NHSL2: variants seen among roughly 807,000 people sequenced by gnomAD.
NHSL2 encodes the protein NHS-like protein 2.
A neutral mutation model predicts 53.4 loss-of-function variants in NHSL2; 27 were observed. The ratio of observed to expected loss-of-function variants is 0.51; its 90% CI spans 0.37 to 0.70. The LOEUF (loss-of-function observed/expected upper bound fraction) is 0.70. Ranked by LOEUF, NHSL2 falls within the 30% of genes least tolerant of loss-of-function variation. The pLI, the probability that NHSL2 is intolerant of heterozygous loss-of-function variation, is 0.00. For missense variants in NHSL2, 892 were observed against 980.1 expected, an observed-to-expected ratio of 0.91 and a Z score of 1.20; for synonymous variants, 408 against 404.1, an observed-to-expected ratio of 1.01 and a Z score of -0.12.
chrX:72,031,029 G>A (rs1228267278), intron 1 of NHSL2, among the ~76,000 whole-genome samples: 2 of 111,767 alleles, frequency 1.8e-5, no homozygotes, highest in Admixed American at 9.5e-5. Flanking sequence ...CTTGTGGCAA[G>A]CTCTAAGGTC....
Position 71,912,428 on chromosome X carries a change from G to A in NHSL2, c.280+1061G>A, listed in dbSNP as rs5991856. On this transcript the variant is annotated intron_variant, in intron 1 of 7. Transcript: ENST00000633930. Reference sequence around the variant, plus strand: ...AGTGTGGCCAGAAAGTTTCCAATGGGGGCAGAAGATGACTGCTGGCTGATT... The same window carrying A: ...AGTGTGGCCAGAAAGTTTCCAATGGAGGCAGAAGATGACTGCTGGCTGATT... Among the ~76,000 whole-genome samples the A allele has an allele frequency of 2.8e-3, 312 of 112,429 alleles. 2 individuals carry two copies. Among genetic ancestry groups the A allele is most frequent in the African/African-American group, 9.2e-3 (284 of 30,960 alleles).
At chrX:71,918,569 C>T (rs2041640801) in intron 1 of NHSL2, among the ~76,000 whole-genome samples, 1 of 111,531 alleles carries the variant, frequency 9.0e-6, no homozygotes, top group Non-Finnish European at 1.9e-5. Context: ...TTGAGGTCTC[C>T]TTACGTTAAC....
At chrX:72,105,161 G>A (rs766670046) in intron 1 of NHSL2, among the ~76,000 whole-genome samples, 2 of 103,879 alleles carry the variant, frequency 1.9e-5, no homozygotes, top group African/African-American at 7.1e-5. Flanking sequence ...ATCTATTAAC[G>A]AGATCTTGGA....
At chrX:72,079,339 C>T (rs919958167) in intron 1 of NHSL2, among the ~76,000 whole-genome samples, 2 of 112,235 alleles carry the variant, frequency 1.8e-5, no homozygotes, top group African/African-American at 6.5e-5. Flanking sequence ...AGTCTATTGG[C>T]GGAAGTGTAG....
intron 1 of NHSL2, among the ~76,000 whole-genome samples, chrX:72,000,982 C>T (rs1182209759): frequency 8.9e-6 from 1 of 111,895 alleles, no homozygotes; most frequent in Non-Finnish European, 1.9e-5. Flanking sequence ...TGACCTTCTC[C>T]TGCCTCACCT....
At chrX:72,143,143 G>C in intron 7 of NHSL2, 110 bp from the exon 8 acceptor site, 1 of 519,430 alleles carries the variant, frequency 1.9e-6, no homozygotes, top group Non-Finnish European at 3.2e-6. Flanking sequence ...AGGTCAATAC[G>C]GCTGCTTGCA....
At chrX:72,067,369 G>C (rs1020190621) in intron 1 of NHSL2, among the ~76,000 whole-genome samples, 4 of 111,216 alleles carry the variant, frequency 3.6e-5, no homozygotes, top group Non-Finnish European at 5.7e-5. Flanking sequence ...AGGGTCCCAA[G>C]TGCACAACCC....
intron 1 of NHSL2, among the ~76,000 whole-genome samples, chrX:72,004,783 C>G (rs2042086905): frequency 9.2e-6 from 1 of 108,117 alleles, no homozygotes; most frequent in Admixed American, 9.8e-5. Flanking sequence ...CCCCCACCCC[C>G]ACCTTCCGCT....
chrX:72,032,878 TAATC>T (rs1050601459), intron 1 of NHSL2, among the ~76,000 whole-genome samples: 8 of 111,820 alleles, frequency 7.2e-5, no homozygotes, highest in African/African-American at 1.3e-4. Flanking sequence ...ATAATAAAAT[TAATC>T]AATCAGTTGG....
At chrX:72,068,055 C>A (rs756181224) in intron 1 of NHSL2, among the ~76,000 whole-genome samples, 1 of 111,798 alleles carries the variant, frequency 8.9e-6, no homozygotes, top group African/African-American at 3.3e-5. Flanking sequence ...TATCTCTAGA[C>A]CTTCCAGACT....
chrX:71,983,187 A>T (rs2041987357), intron 1 of NHSL2, among the ~76,000 whole-genome samples: 1 of 111,829 alleles, frequency 8.9e-6, no homozygotes. Flanking sequence ...TTGTTTTTCC[A>T]CTATCACCGG....
chrX:72,141,979 T>C (rs1440411664), intron 6 of NHSL2, among the ~76,000 whole-genome samples: 1 of 111,609 alleles, frequency 9.0e-6, no homozygotes, highest in African/African-American at 3.3e-5. Context: ...AAGAGAATGC[T>C]CGGGCCACCT....
In NHSL2 at chrX:72,042,270, T is replaced by C. The variant is rs760227179; in HGVS notation, c.281-89809T>C. Among the ~76,000 whole-genome samples, 5 of 112,765 alleles carry C rather than the reference T, an allele frequency of 4.4e-5. No homozygotes were observed. The South Asian group carries it at 1.5e-3, about 33-fold the overall frequency. On this transcript the variant is annotated intron_variant, in intron 1 of 7. Transcript: ENST00000633930. ...CTAGAATTGTGTTCAAACCACAGGGTCAGGCAGAGTGAACTTGTTTTTGAA... is the reference window on the plus strand; with the variant it reads ...CTAGAATTGTGTTCAAACCACAGGGCCAGGCAGAGTGAACTTGTTTTTGAA...
At chrX:72,130,566 G>T (rs765613757) in intron 1 of NHSL2, 1 of 1,211,420 alleles carries the variant, frequency 8.3e-7, no homozygotes, top group South Asian at 1.8e-5. Flanking sequence ...AAGGGAAGAT[G>T]ATATTTCGAA....
intron 1 of NHSL2, among the ~76,000 whole-genome samples, chrX:71,946,056 T>C (rs1355387278): frequency 8.9e-6 from 1 of 112,110 alleles, no homozygotes; most frequent in Admixed American, 9.4e-5. Context: ...GATCGGCTCA[T>C]TGTCTTCAGC....
chrX:71,942,106 C>T (rs1200515851), intron 1 of NHSL2, among the ~76,000 whole-genome samples: 1 of 111,926 alleles, frequency 8.9e-6, no homozygotes, highest in African/African-American at 3.2e-5. Context: ...GCAGTTTAGC[C>T]TCTTTCTGAG....
intron 1 of NHSL2, among the ~76,000 whole-genome samples, chrX:72,113,433 G>A (rs1246726889): frequency 1.8e-5 from 2 of 111,784 alleles, no homozygotes; most frequent in Non-Finnish European, 3.8e-5. Context: ...CCAGGTTCAA[G>A]AGGCCAAAGA....
rs2042399888 is a variant in NHSL2 at position 72,140,007 on chromosome X, T to C, written c.2459T>C (p.Met820Thr). ...AQKTNPNQPI[M>T]PMVTQSDLRS... Reference sequence around the variant, plus strand: ...AAAACTAATCCCAACCAGCCAATCATGCCTATGGTTACTCAGTCCGACCTA... The same window carrying C: ...AAAACTAATCCCAACCAGCCAATCACGCCTATGGTTACTCAGTCCGACCTA... Residue 820 changes from methionine (M) to threonine (T), a missense_variant, in exon 6 of 8, where the codon ATG becomes ACG. Transcript: ENST00000633930. The C allele has an allele frequency of 8.3e-7, 1 of 1,208,452 alleles. No individual in the cohort carries two copies. Among genetic ancestry groups the C allele is most frequent in the African/African-American group, 1.8e-5 (1 of 56,993 alleles).
intron 1 of NHSL2, among the ~76,000 whole-genome samples, chrX:72,113,955 C>A (rs1229120130): frequency 8.9e-6 from 1 of 112,221 alleles, no homozygotes. Flanking sequence ...CCTCTGACTG[C>A]CCACAGGCTT....
Sources: allele counts gnomAD v4.1 joint callset (sites outside exome capture counted in the v4.1 genomes callset), GRCh38; gene constraint gnomAD v4.1.1; transcripts MANE v1.5; gene names NCBI Gene and HGNC (gene_info 2026-07-23, HGNC 2026-07-21).